Variants in VAT1L observed in about 807,000 individuals in gnomAD.
The protein encoded by VAT1L is putative NADPH-dependent quinone oxidoreductase VAT1L.
A neutral mutation model predicts 44.1 loss-of-function variants in VAT1L; 34 were observed. The ratio of observed to expected loss-of-function variants is 0.77; its 90% confidence interval spans 0.59 to 1.03. The LOEUF (loss-of-function observed/expected upper bound fraction) is 1.03, where lower values mean the gene tolerates loss of function less well. VAT1L is among the 50% of genes least tolerant of loss of function. The pLI is 0.00. For synonymous variants in VAT1L, 253 were observed against 202.2 expected (o/e 1.25, Z -2.13); for missense variants, 615 against 538.8 (o/e 1.14, Z -1.40).
chr16:77,837,636 G>A (rs2016653989), intron 3 of VAT1L, among the ~76,000 whole-genome samples: 1 of 152,164 alleles, frequency 6.6e-6, no homozygotes, highest in African/African-American at 2.4e-5. Flanking sequence ...TATAAAAATG[G>A]TATGAAACTT....
intron 5 of VAT1L, 83 bp downstream of exon 5, chr16:77,876,556 G>C: frequency 8.1e-7 from 1 of 1,234,032 alleles, no homozygotes; most frequent in Non-Finnish European, 1.2e-6. Context: ...AAAGTGAATT[G>C]TGCTGATATG....
chr16:77,853,426 T>G (rs2016826396), intron 3 of VAT1L, among the ~76,000 whole-genome samples: 1 of 152,178 alleles, frequency 6.6e-6, no homozygotes, highest in Admixed American at 6.5e-5. Context: ...CACATTAGAA[T>G]TCTCCAGGGA....
In VAT1L at chr16:77,805,865, C is replaced by CTTTTTTTTTTTTTTTTTT. The variant is rs10689119; in HGVS notation, c.234-11041_234-11040insTTTTTTTTTTTTTTTTTT. ...GTGTTATTTTTTCCTTAGTCTCTGC[C>CTTTTTTTTTTTTTTTTTT]TTTTTTTTTTTTTTTGAGATGGAGT... On this transcript the variant is annotated intron_variant, in intron 1 of 8. Coordinates refer to ENST00000302536, the MANE Select transcript of VAT1L (RefSeq NM_020927.3). Among the ~76,000 whole-genome samples the CTTTTTTTTTTTTTTTTTT allele has an allele frequency of 1.2e-3, 96 of 78,826 alleles. 13 individuals are homozygous for CTTTTTTTTTTTTTTTTTT. Among genetic ancestry groups the CTTTTTTTTTTTTTTTTTT allele is most frequent in the East Asian group, 2.8e-3 (6 of 2,128 alleles). The allele number at this position is 78,826 out of a possible 152,430, so 51.7% of individuals were successfully genotyped here.
intron 3 of VAT1L, among the ~76,000 whole-genome samples, chr16:77,847,093 G>A (rs574710231): frequency 1.3e-5 from 2 of 152,202 alleles, no homozygotes; most frequent in South Asian, 4.2e-4. Flanking sequence ...TCTGCAAAAT[G>A]CAGCATTTCA....
chr16:77,912,952 G>A (rs939286484), intron 7 of VAT1L, among the ~76,000 whole-genome samples: 5 of 152,094 alleles, frequency 3.3e-5, no homozygotes, highest in Admixed American at 1.3e-4. Context: ...ATCCCATCTC[G>A]AAGGCTTCAT....
chr16:77,863,118 T>C (rs981075654), intron 4 of VAT1L, among the ~76,000 whole-genome samples: 1 of 152,216 alleles, frequency 6.6e-6, no homozygotes, highest in Non-Finnish European at 1.5e-5. Flanking sequence ...AGTTAATGTA[T>C]TAAAGTTACG....
At position 77,788,663 on chromosome 16, in the gene VAT1L, G is replaced by A. The variant is rs368506696; in HGVS notation, c.-20G>A. ...CCACCGCAGCCACCGCAGCCCGTGC[G>A]CCCCGCGCCCTCGAGCGCCATGGCC... On this transcript the variant is annotated 5_prime_UTR_variant, in exon 1 of 9. Coordinates refer to ENST00000302536, the MANE Select transcript of VAT1L (RefSeq NM_020927.3). The A allele has an allele frequency of 6.5e-7, 1 of 1,546,660 alleles. No individual in the cohort carries two copies. Among genetic ancestry groups the A allele is most frequent in the Non-Finnish European group, 8.7e-7 (1 of 1,145,666 alleles).
chr16:77,942,073 T>C (rs574204676), intron 7 of VAT1L, among the ~76,000 whole-genome samples: 13 of 152,200 alleles, frequency 8.5e-5, no homozygotes, highest in Non-Finnish European at 1.6e-4. Flanking sequence ...GATTAGTGTA[T>C]TAGTCCATTT....
chr16:77,863,329 G>T (rs2016936034), intron 4 of VAT1L, among the ~76,000 whole-genome samples: 1 of 152,200 alleles, frequency 6.6e-6, no homozygotes. Context: ...GCACCAAAGG[G>T]TCATGAATAG....
Position 77,884,774 on chromosome 16 carries a change from T to G in VAT1L, c.1049T>G (p.Val350Gly), listed in dbSNP as rs1424118736. 1 of 1,560,112 alleles carries G rather than the reference T, an allele frequency of 6.4e-7. No homozygotes were observed. Among genetic ancestry groups the G allele is most frequent in the Non-Finnish European group, 8.7e-7 (1 of 1,155,502 alleles). ...TACAACCAGAAGAAGATCAAGCCTG[T>G]GGTGGACTCCTTGTGGGCTCTGGAG... Reference protein sequence around the residue: ...GLYNQKKIKPVVDSLWALEEV... With the variant: ...GLYNQKKIKPGVDSLWALEEV... The change falls in exon 7 of 9, where the codon GTG becomes GGG. Residue 350 changes from valine to glycine, a missense_variant. Coordinates refer to ENST00000302536, the MANE Select transcript of VAT1L (RefSeq NM_020927.3). This position sits in a 1 kb window ranked among gnomAD's most constrained non-coding sequence, Gnocchi z 4.5.
At position 77,900,495 on chromosome 16, in the gene VAT1L, G is replaced by C. The variant is rs1032308791; in HGVS notation, c.1077+15693G>C. Among the ~76,000 whole-genome samples, 8 of 152,098 alleles carry C rather than the reference G, an allele frequency of 5.3e-5. No individual in the cohort carries two copies. The East Asian group carries it at 1.5e-3, about 29-fold the overall frequency. On this transcript the variant is annotated intron_variant, in intron 7 of 8. Coordinates refer to ENST00000302536, the MANE Select transcript of VAT1L (RefSeq NM_020927.3). The stretch of plus-strand genomic sequence containing the variant: ...GGATCAGGTTAGGTCAGCAGTTTGA[G>C]ACCAGCCTGGGCAACATGGTGAAAC...
At chr16:77,881,379 CA>C (rs1440007842) in intron 6 of VAT1L, among the ~76,000 whole-genome samples, 1 of 152,066 alleles carries the variant, frequency 6.6e-6, no homozygotes, top group African/African-American at 2.4e-5. Context: ...ATGAGGGAGA[CA>C]AACCCAAAAT....
At chr16:77,904,226 C>T (rs2017416184) in intron 7 of VAT1L, among the ~76,000 whole-genome samples, 1 of 149,820 alleles carries the variant, frequency 6.7e-6, no homozygotes. Context: ...TTGGTGTATC[C>T]ATGTGGTTTG....
At chr16:77,855,583 G>A (rs2016850310) in intron 3 of VAT1L, among the ~76,000 whole-genome samples, 1 of 152,112 alleles carries the variant, frequency 6.6e-6, no homozygotes, top group Non-Finnish European at 1.5e-5. Flanking sequence ...CATTCTCATG[G>A]TTTAGGAATA....
intron 1 of VAT1L, among the ~76,000 whole-genome samples, chr16:77,808,012 A>G (rs554104264): frequency 3.6e-4 from 54 of 152,106 alleles, no homozygotes; most frequent in Admixed American, 9.8e-4. Context: ...CACTTTGCCT[A>G]TACTCCAGAA....
At chr16:77,903,678 C>T (rs1056256279) in intron 7 of VAT1L, among the ~76,000 whole-genome samples, 23 of 151,100 alleles carry the variant, frequency 1.5e-4, no homozygotes, top group Non-Finnish European at 8.8e-5. Flanking sequence ...TATTCAATGC[C>T]ACGTGATTTT....
At chr16:77,793,517 T>G (rs1263954967) in intron 1 of VAT1L, among the ~76,000 whole-genome samples, 2 of 152,200 alleles carry the variant, frequency 1.3e-5, no homozygotes, top group African/African-American at 4.8e-5. Context: ...TGAGTGTCTC[T>G]TAGACCGGGG....
At chr16:77,842,442 G>C (rs891793169) in intron 3 of VAT1L, among the ~76,000 whole-genome samples, 1 of 152,204 alleles carries the variant, frequency 6.6e-6, no homozygotes, top group African/African-American at 2.4e-5. Flanking sequence ...GGAGTGTGGA[G>C]TCTGCAATGA....
Position 77,978,604 on chromosome 16 carries a change from G to C in VAT1L, c.*909G>C, listed in dbSNP as rs2018366087. 1 of 152,224 alleles carries C rather than the reference G, an allele frequency of 6.6e-6. No homozygotes were observed. Among genetic ancestry groups the C allele is most frequent in the African/African-American group, 2.4e-5 (1 of 41,466 alleles). 9.4% of individuals were successfully genotyped at this position (152,224 alleles called of 1,614,324 possible). A position where few individuals can be genotyped will look rare whatever the true frequency, so the allele number is the denominator to read the frequency against. On this transcript the variant is annotated 3_prime_UTR_variant, in exon 9 of 9. Transcript: ENST00000302536. ...TTGACCATGGATTTCCCAAAGAAGA[G>C]TTCCTTTGCAGACCATAGGTGGAAA...
Sources: gnomAD v4.1 joint callset for allele counts (sites outside exome capture counted in the v4.1 genomes callset) on GRCh38, gnomAD v4.1.1 for gene constraint, Gnocchi (gnomAD v3.1) non-coding constraint, MANE v1.5 for transcripts, NCBI Gene and HGNC (gene_info 2026-07-23, HGNC 2026-07-21) for gene names.